The following LPP variants were observed in gnomAD, a reference collection of about 807,000 sequenced individuals.
LPP encodes LIM domain containing preferred translocation partner in lipoma, also known as lipoma-preferred partner.
In LPP, 38 loss-of-function variants were observed where a neutral mutation model predicts 60.4. The observed-to-expected ratio is 0.63, with a 90% confidence interval of 0.49 to 0.83. LPP has a LOEUF of 0.83. Among genes scored for constraint, LPP ranks in the 40% least tolerant of loss-of-function variants. LPP has a pLI of 0.00. For missense variants in LPP, 902 were observed against 783.6 expected (o/e 1.15, Z -1.80); for synonymous variants, 328 against 290.8 (o/e 1.13, Z -1.30).
At chr3:188,702,402 C>CT (rs909279640) in intron 7 of LPP, among the ~76,000 whole-genome samples, 3 of 144,670 alleles carry the variant, frequency 2.1e-5, no homozygotes, top group Non-Finnish European at 4.5e-5. Context: ...TACAGGTCAT[C>CT]TTTTTTTGGC....
At chr3:188,207,191 C>T (rs538872947) in intron 1 of LPP, among the ~76,000 whole-genome samples, 2 of 149,342 alleles carry the variant, frequency 1.3e-5, no homozygotes, top group East Asian at 3.9e-4. Context: ...CCACTTCTCT[C>T]ACTAGTGACC....
At chr3:188,825,643 C>T (rs1335095002) in intron 9 of LPP, among the ~76,000 whole-genome samples, 1 of 152,048 alleles carries the variant, frequency 6.6e-6, no homozygotes, top group Non-Finnish European at 1.5e-5. Flanking sequence ...GAAAACTCCC[C>T]TCCCCAGCCC....
At chr3:188,643,169 A>T (rs1035101919) in intron 7 of LPP, among the ~76,000 whole-genome samples, 1 of 152,210 alleles carries the variant, frequency 6.6e-6, no homozygotes, top group Non-Finnish European at 1.5e-5. Flanking sequence ...ATTCTAGCCC[A>T]GACATTTTAC....
intron 3 of LPP, among the ~76,000 whole-genome samples, chr3:188,350,757 G>A (rs536212083): frequency 1.3e-5 from 2 of 152,280 alleles, no homozygotes; most frequent in East Asian, 3.9e-4. Context: ...ATGAAGATAG[G>A]TGGGGTGGAC....
rs1418271799 is a variant in LPP, at chr3:188,713,774, G to A, written c.1240+5381G>A. Among the ~76,000 whole-genome samples, 6 of 152,182 alleles carry A rather than the reference G, an allele frequency of 3.9e-5. No homozygotes were observed. The East Asian group carries it at 1.2e-3, about 29-fold the overall frequency. On this transcript the variant is annotated intron_variant, in intron 8 of 11. Coordinates refer to ENST00000617246, the MANE Select transcript of LPP (RefSeq NM_001375462.1). Reference sequence around the variant, plus strand: ...CCCTCCTCTCTAAAAGTGTACTGAAGCCTGTCACAAATGAATTACCTTAAG... The same window carrying A: ...CCCTCCTCTCTAAAAGTGTACTGAAACCTGTCACAAATGAATTACCTTAAG...
intron 4 of LPP, among the ~76,000 whole-genome samples, chr3:188,459,968 A>G (rs986120571): frequency 6.6e-6 from 1 of 152,202 alleles, no homozygotes; most frequent in African/African-American, 2.4e-5. Context: ...TCTACCTTCA[A>G]GGAAATACTG....
At chr3:188,679,519 CTGTGTGTGTGTGTGTGTGTG>C (rs56733573) in intron 7 of LPP, among the ~76,000 whole-genome samples, 3 of 143,104 alleles carry the variant, frequency 2.1e-5, no homozygotes, top group Non-Finnish European at 3.0e-5. Context: ...TTTGAATACT[CTGTGTGTGTGTGTGTGTGTG>C]TGTGTGTGTG....
chr3:188,217,682 G>A lies in LPP; in HGVS notation c.-189-7723G>A, dbSNP rs948274421. 6.6e-6 allele frequency among the ~76,000 whole-genome samples: 1 copy of A among 152,256 alleles called. No homozygotes were observed. The highest frequency in any genetic ancestry group is 1.9e-4 in the East Asian group (1 of 5,172). On this transcript the variant is annotated intron_variant, in intron 1 of 11. Coordinates refer to ENST00000617246, the MANE Select transcript of LPP (RefSeq NM_001375462.1). This position sits in a 1 kb window ranked among gnomAD's most constrained non-coding sequence, Gnocchi z 4.0. ...GTGTGATTTCCTTCAGAGAAATGCTGAGCTAAATGGGCAGGAATCTGGGAT... is the reference window on the plus strand; with the variant it reads ...GTGTGATTTCCTTCAGAGAAATGCTAAGCTAAATGGGCAGGAATCTGGGAT...
intron 3 of LPP, among the ~76,000 whole-genome samples, chr3:188,351,401 C>T (rs1015404907): frequency 3.9e-5 from 6 of 152,236 alleles, no homozygotes; most frequent in African/African-American, 1.4e-4. Context: ...CACATCTCAC[C>T]AAGCATTGGA....
chr3:188,577,761 G>GTCCTTCC (rs1560587571), intron 6 of LPP, among the ~76,000 whole-genome samples: 12 of 113,304 alleles, frequency 1.1e-4, no homozygotes, highest in East Asian at 9.0e-4. Context: ...TCGTTCCTTC[G>GTCCTTCC]TTCCTTCCTT....
intron 9 of LPP, among the ~76,000 whole-genome samples, chr3:188,763,018 G>T (rs890667170): frequency 6.6e-6 from 1 of 152,152 alleles, no homozygotes; most frequent in Non-Finnish European, 1.5e-5. Flanking sequence ...GTGTAAGGAG[G>T]TTGAGGAAAT....
intron 8 of LPP, chr3:188,709,579 A>C (rs62290055): frequency 0.057 from 8,592 of 150,906 alleles, 309 homozygotes; most frequent in Non-Finnish European, 0.086. Flanking sequence ...CTGGTCTTGA[A>C]CTCCTGACCT....
At chr3:188,362,788 G>C (rs1009382599) in intron 3 of LPP, among the ~76,000 whole-genome samples, 1 of 152,198 alleles carries the variant, frequency 6.6e-6, no homozygotes, top group African/African-American at 2.4e-5. Flanking sequence ...TCAGCTTCCA[G>C]GTTTGTCTGA....
chr3:188,325,713 T>A (rs1758248751), intron 2 of LPP, among the ~76,000 whole-genome samples: 1 of 152,214 alleles, frequency 6.6e-6, no homozygotes, highest in South Asian at 2.1e-4. Context: ...AATAGATCAT[T>A]TATTTGGATT....
At chr3:188,625,025 C>T (rs1846572274) in intron 7 of LPP, among the ~76,000 whole-genome samples, 1 of 151,554 alleles carries the variant, frequency 6.6e-6, no homozygotes, top group Non-Finnish European at 1.5e-5. Flanking sequence ...TTCTATATCC[C>T]TTTATTCTTA....
At chr3:188,570,707 C>T (rs1214099074) in intron 6 of LPP, among the ~76,000 whole-genome samples, 1 of 151,770 alleles carries the variant, frequency 6.6e-6, no homozygotes, top group African/African-American at 2.4e-5. Flanking sequence ...ATAAAATTTG[C>T]CTGCCTCATT....
Position 188,449,296 on chromosome 3 carries a change from T to C in LPP, c.194-35296T>C, listed in dbSNP as rs1053543530. ...TCTTGTTTTTGATTGACTTTCTTTT[T>C]CTTTCTTTTCTTTTCCTCATCCTTT... On this transcript the variant is annotated intron_variant, in intron 4 of 11. Coordinates refer to ENST00000617246, the MANE Select transcript of LPP (RefSeq NM_001375462.1). Among the ~76,000 whole-genome samples, 19 of 152,306 alleles carry C rather than the reference T, an allele frequency of 1.2e-4. 1 individual carries two copies. Among genetic ancestry groups the C allele is most frequent in the African/African-American group, 2.6e-4 (11 of 41,546 alleles).
At chr3:188,302,042 A>G (rs1188551780) in intron 2 of LPP, among the ~76,000 whole-genome samples, 1 of 152,094 alleles carries the variant, frequency 6.6e-6, no homozygotes, top group East Asian at 1.9e-4. Context: ...AGACAACATA[A>G]TGAAGGTATT....
intron 7 of LPP, among the ~76,000 whole-genome samples, chr3:188,704,927 A>G (rs1271955472): frequency 6.6e-6 from 1 of 151,324 alleles, no homozygotes; most frequent in Non-Finnish European, 1.5e-5. Context: ...CTATTTTTCC[A>G]CCTGTCCAGA....
Sources: gnomAD v4.1 joint callset for allele counts (sites outside exome capture counted in the v4.1 genomes callset) on GRCh38, gnomAD v4.1.1 for gene constraint, Gnocchi (gnomAD v3.1) non-coding constraint, MANE v1.5 for transcripts, NCBI Gene and HGNC (gene_info 2026-07-23, HGNC 2026-07-21) for gene names.